Variants in ZNF75A observed in about 807,000 individuals in gnomAD.
The protein encoded by ZNF75A is zinc finger protein 75A.
A neutral mutation model predicts 46.3 loss-of-function variants in ZNF75A; 36 were observed. The ratio of observed to expected loss-of-function variants is 0.78; its 90% CI spans 0.60 to 1.03. The LOEUF (loss-of-function observed/expected upper bound fraction) is 1.03. Ranked by LOEUF, ZNF75A falls within the 50% of genes least tolerant of loss-of-function variation. The probability of loss-of-function intolerance (pLI) is 0.00; values close to 1 mark genes in which losing one functional copy is unlikely to be tolerated. For missense variants in ZNF75A, 595 were observed against 551.3 expected, an observed-to-expected ratio of 1.08 and a Z score of -0.79; for synonymous variants, 234 against 189.9, an observed-to-expected ratio of 1.23 and a Z score of -1.91.
intron 1 of ZNF75A, chr16:3,306,250 G>C (rs1193700804): frequency 6.6e-6 from 1 of 152,230 alleles, no homozygotes; most frequent in East Asian, 1.9e-4. Flanking sequence ...TCAGCAGAAA[G>C]TTTCACTTTC....
At position 3,313,018 on chromosome 16, in the gene ZNF75A, G is replaced by A. The variant is rs1009452811; in HGVS notation, c.697-31G>A. 9 of 1,598,084 alleles carry A rather than the reference G, an allele frequency of 5.6e-6. No homozygotes were observed. In the African/African-American group the frequency reaches 1.2e-4, roughly 21 times the overall value. Reference sequence around the variant, plus strand: ...CTAGGCTGCTTCTGTACAGTGGCAGGTTCTGAGCTGAAGTCCATTCTCTTC... The same window carrying A: ...CTAGGCTGCTTCTGTACAGTGGCAGATTCTGAGCTGAAGTCCATTCTCTTC... On this transcript the variant is annotated intron_variant, in intron 4 of 6. Coordinates refer to ENST00000669516, the MANE Select transcript of ZNF75A (RefSeq NM_001302109.2).
rs533666565 is a variant in ZNF75A, at chr16:3,312,750, C to T, written c.678C>T (p.His226=). The T allele has an allele frequency of 1.5e-5, 16 of 1,076,574 alleles. No homozygotes were observed. Among genetic ancestry groups the T allele is most frequent in the Middle Eastern group, 4.3e-4 (1 of 2,322 alleles). The allele number at this position is 1,076,574 out of a possible 1,614,324, so 66.7% of individuals were successfully genotyped here. A position where few individuals can be genotyped will look rare whatever the true frequency, so the allele number is the denominator to read the frequency against. Reference sequence around the variant, plus strand: ...AAGACTGGACAGTGACACCTGAGCACGTCTTGCCTGAGTCCCAGGTGAGCT... The same window carrying T: ...AAGACTGGACAGTGACACCTGAGCATGTCTTGCCTGAGTCCCAGGTGAGCT... The part of the protein sequence containing the change: ...NTKDWTVTPE[H]VLPESQSLLT... The change falls in exon 4 of 7, where the codon CAC becomes CAT. Residue 226 remains histidine (H), a synonymous_variant. Transcript: ENST00000669516.
rs1961400925 is a variant in ZNF75A, at chr16:3,318,594, C to T, written c.*725C>T. 8.1e-6 allele frequency: 8 copies of T among 985,414 alleles called. No individual in the cohort carries two copies. The highest frequency in any genetic ancestry group is 9.6e-6 in the Non-Finnish European group (8 of 829,926). 61.0% of individuals were successfully genotyped at this position (985,414 alleles called of 1,614,324 possible). A position where few individuals can be genotyped will look rare whatever the true frequency, so the allele number is the denominator to read the frequency against. ...CTTGTTAATCCCTGCCTTGCAATGT[C>T]AGTAGGATAAAGCAGCTATAAAAAT... On this transcript the variant is annotated 3_prime_UTR_variant, in exon 7 of 7. Coordinates refer to ENST00000669516, the MANE Select transcript of ZNF75A (RefSeq NM_001302109.2).
chr16:3,306,308 C>G (rs1042114140), intron 1 of ZNF75A: 25 of 152,110 alleles, frequency 1.6e-4, no homozygotes, highest in African/African-American at 6.0e-4. Flanking sequence ...ACATCAGCGA[C>G]AGAAAGAAAA....
intron 5 of ZNF75A, among the ~76,000 whole-genome samples, chr16:3,314,513 G>C (rs185417315): frequency 3.3e-5 from 5 of 152,350 alleles, no homozygotes; most frequent in Admixed American, 6.5e-5. Flanking sequence ...TAGCCCCAGA[G>C]GTTCTACCCT....
At position 3,318,048 on chromosome 16, in the gene ZNF75A, G is replaced by A; in HGVS notation, c.*179G>A. 7.2e-7 allele frequency: 1 copy of A among 1,389,600 alleles called. No homozygotes were observed. Among genetic ancestry groups the A allele is most frequent in the Non-Finnish European group, 9.3e-7 (1 of 1,077,804 alleles). 86.1% of individuals were successfully genotyped at this position (1,389,600 alleles called of 1,614,324 possible). ...CTGCAGCCACTCAGTAGTCTTCTGTGGTCACAGAAGTAAACATTGTTGGCT... is the reference window on the plus strand; with the variant it reads ...CTGCAGCCACTCAGTAGTCTTCTGTAGTCACAGAAGTAAACATTGTTGGCT... On this transcript the variant is annotated 3_prime_UTR_variant, in exon 7 of 7. Transcript: ENST00000669516.
intron 2 of ZNF75A, chr16:3,309,585 G>C (rs1037165594): frequency 1.3e-5 from 2 of 151,846 alleles, no homozygotes; most frequent in African/African-American, 4.8e-5. Context: ...GTGAAACCCC[G>C]TCTCTACAAA....
intron 3 of ZNF75A, 77 bp downstream of exon 3, chr16:3,312,025 TTTTG>T: frequency 1.3e-6 from 1 of 752,596 alleles, no homozygotes; most frequent in Non-Finnish European, 1.6e-6. Context: ...CATGGGCATT[TTTTG>T]AATACCCTGC....
chr16:3,313,012 T>G lies in ZNF75A; in HGVS notation c.697-37T>G. 5.0e-6 allele frequency: 8 copies of G among 1,590,790 alleles called. No individual in the cohort carries two copies. In the South Asian group the frequency reaches 9.2e-5, roughly 18 times the overall value. ...AGGTGGCTAGGCTGCTTCTGTACAG[T>G]GGCAGGTTCTGAGCTGAAGTCCATT... On this transcript the variant is annotated intron_variant, in intron 4 of 6. Coordinates refer to ENST00000669516, the MANE Select transcript of ZNF75A (RefSeq NM_001302109.2).
Position 3,317,361 on chromosome 16 carries a change from A to G in ZNF75A, c.1106A>G (p.Asp369Gly). The G allele has an allele frequency of 5.6e-6, 9 of 1,614,144 alleles. No homozygotes were observed. Among genetic ancestry groups the G allele is most frequent in the South Asian group, 1.1e-5 (1 of 91,084 alleles). ...CACAGAGTGGGAAAATGGCACCAAG[A>G]TTTTCCAGTGAAGAAAAGAAAGAAA... is the stretch of plus-strand genomic sequence containing the variant. Reference protein sequence around the residue: ...DMHRVGKWHQDFPVKKRKKLS... With the variant: ...DMHRVGKWHQGFPVKKRKKLS... The change falls in exon 7 of 7, where the codon GAT (aspartate) becomes GGT (glycine). Residue 369 changes from aspartate (D) to glycine (G), a missense_variant. Transcript: ENST00000669516.
At chr16:3,310,960 A>G in intron 2 of ZNF75A, 1 of 984,970 alleles carries the variant, frequency 1.0e-6, no homozygotes, top group Non-Finnish European at 1.2e-6. Context: ...GGTTGGAGCC[A>G]CTCCCCTTTT....
At chr16:3,315,045 T>G in intron 5 of ZNF75A, 8 of 985,334 alleles carry the variant, frequency 8.1e-6, no homozygotes, top group Non-Finnish European at 9.6e-6. Context: ...CTTTTCCAGA[T>G]GTACGTGCTC....
chr16:3,316,249 G>T (rs1022638271), intron 5 of ZNF75A: 1 of 152,140 alleles, frequency 6.6e-6, no homozygotes, highest in Non-Finnish European at 1.5e-5. Flanking sequence ...CCTAGCCCTC[G>T]AGCAGTGCCT....
intron 2 of ZNF75A, among the ~76,000 whole-genome samples, chr16:3,309,807 TAAAG>T (rs1960600799): frequency 6.8e-6 from 1 of 147,100 alleles, no homozygotes; most frequent in Admixed American, 6.8e-5. Context: ...CAAGGACACT[TAAAG>T]AAAAGGAGAA....
In ZNF75A at chr16:3,308,337, A is replaced by T. The variant is rs1960443626; in HGVS notation, c.-92A>T. ...GTGCTTTTAGGAAGAAGATCCTTTT[A>T]TTGCTTTTGTACAAGACCAGACAGG... On this transcript the variant is annotated 5_prime_UTR_variant, in exon 2 of 7. Coordinates refer to ENST00000669516, the MANE Select transcript of ZNF75A (RefSeq NM_001302109.2). 1 of 887,970 alleles carries T rather than the reference A, an allele frequency of 1.1e-6. No homozygotes were observed. Among genetic ancestry groups the T allele is most frequent in the Admixed American group, 6.2e-5 (1 of 16,148 alleles). 55.0% of individuals were successfully genotyped at this position (887,970 alleles called of 1,614,324 possible).
downstream of ZNF75A, chr16:3,323,323 T>C (rs573449316): frequency 9.1e-7 from 1 of 1,095,078 alleles, no homozygotes; most frequent in Non-Finnish European, 1.4e-6. Context: ...AACCATGAGA[T>C]CTCCTGGAAA....
At chr16:3,316,020 A>G (rs1961180346) in intron 5 of ZNF75A, 1 of 152,224 alleles carries the variant, frequency 6.6e-6, no homozygotes. Context: ...ACTCACTTTT[A>G]GGTTTCTGCT....
chr16:3,310,354 A>G (rs1012136043), intron 2 of ZNF75A, among the ~76,000 whole-genome samples: 5 of 151,904 alleles, frequency 3.3e-5, no homozygotes, highest in African/African-American at 1.2e-4. Context: ...AGATTGCACC[A>G]CTGCACTCCA....
downstream of ZNF75A, among the ~76,000 whole-genome samples, chr16:3,320,647 C>T (rs950465995): frequency 5.3e-5 from 8 of 152,190 alleles, no homozygotes; most frequent in East Asian, 1.5e-3. Flanking sequence ...TATTCTTTGT[C>T]TCCCTGCGCG....
Sources: gnomAD v4.1 joint callset for allele counts (sites outside exome capture counted in the v4.1 genomes callset) on GRCh38, gnomAD v4.1.1 for gene constraint, MANE v1.5 for transcripts, NCBI Gene and HGNC (gene_info 2026-07-23, HGNC 2026-07-21) for gene names.